Variants in RGS21 observed in about 807,000 individuals in gnomAD.
RGS21 encodes the protein regulator of G-protein signalling 21.
Under a neutral mutation model 18.7 loss-of-function variants are expected in RGS21, and 19 were observed. The observed-to-expected ratio is 1.01, with a 90% confidence interval of 0.71 to 1.49. The LOEUF is 1.49. Among genes scored for constraint, RGS21 ranks in the 40% most tolerant of loss-of-function variants. The probability of loss-of-function intolerance (pLI) is 0.00; values close to 1 mark genes in which losing one functional copy is unlikely to be tolerated. For missense variants in RGS21, 194 were observed against 176.8 expected (o/e 1.10, Z -0.55); for synonymous variants, 56 against 57.8 (o/e 0.97, Z 0.14).
At chr1:192,364,071 G>T (rs534460455) in intron 4 of RGS21, among the ~76,000 whole-genome samples, 1 of 152,238 alleles carries the variant, frequency 6.6e-6, no homozygotes, top group African/African-American at 2.4e-5. Context: ...TAACACTGAA[G>T]AAGCAGAAAC....
Position 192,366,111 on chromosome 1 carries a change from T to A in RGS21, c.446T>A (p.Leu149His). The change falls in exon 5 of 5, where the codon CTC (leucine) becomes CAC (histidine). Residue 149 changes from leucine (L) to histidine (H), a missense_variant. By Grantham distance (99) the Leu-to-His change is moderately conservative (BLOSUM62 -3). Transcript: ENST00000417209. ...CAGGTTCCAAATCATAAAAAATGGC[T>A]CCCTTTTTTGTGAGGAAGGTAAAAG... ...SQQVPNHKKWLPFL is the reference protein window; with the variant it reads ...SQQVPNHKKWHPFL The A allele has an allele frequency of 6.3e-7, 1 of 1,595,710 alleles. No homozygotes were observed. Among genetic ancestry groups the A allele is most frequent in the Non-Finnish European group, 8.5e-7 (1 of 1,170,146 alleles).
chr1:192,324,173 TA>T (rs5779619), intron 1 of RGS21, among the ~76,000 whole-genome samples: 73,029 of 151,770 alleles, frequency 0.48, 18,678 homozygotes, highest in African/African-American at 0.64. Flanking sequence ...GAGTTTTCTT[TA>T]AATATTAAAG....
intron 4 of RGS21, among the ~76,000 whole-genome samples, chr1:192,352,673 C>T (rs1159196164): frequency 5.9e-5 from 9 of 151,890 alleles, no homozygotes; most frequent in African/African-American, 1.9e-4. Context: ...ATGTTGCTTG[C>T]CTTTATTTCT....
At chr1:192,326,287 T>A (rs1235875588) in intron 1 of RGS21, among the ~76,000 whole-genome samples, 2 of 152,158 alleles carry the variant, frequency 1.3e-5, no homozygotes, top group Non-Finnish European at 2.9e-5. Context: ...AATGGTGTTG[T>A]ATCCAGTGTT....
At chr1:192,328,888 A>C (rs1160650862) in intron 1 of RGS21, among the ~76,000 whole-genome samples, 1 of 152,146 alleles carries the variant, frequency 6.6e-6, no homozygotes, top group African/African-American at 2.4e-5. Context: ...ATTTATTGGT[A>C]TAGAAATATT....
intron 1 of RGS21, among the ~76,000 whole-genome samples, chr1:192,324,250 C>T (rs1416704790): frequency 1.3e-5 from 2 of 151,922 alleles, no homozygotes; most frequent in Non-Finnish European, 1.5e-5. Flanking sequence ...GTTAGTAAAG[C>T]TCTAGAATGA....
intron 4 of RGS21, among the ~76,000 whole-genome samples, chr1:192,353,864 C>T (rs1287222694): frequency 1.3e-5 from 2 of 151,410 alleles, no homozygotes; most frequent in Admixed American, 1.3e-4. Context: ...TGGCTGCTTT[C>T]CAAGTAATAA....
Position 192,366,129 on chromosome 1 carries a change from G to T in RGS21, c.*5G>T. 1 of 1,531,836 alleles carries T rather than the reference G, an allele frequency of 6.5e-7. No homozygotes were observed. Among genetic ancestry groups the T allele is most frequent in the East Asian group, 2.3e-5 (1 of 44,118 alleles). The allele number at this position is 1,531,836 out of a possible 1,614,324, so 94.9% of individuals were successfully genotyped here. On this transcript the variant is annotated 3_prime_UTR_variant, in exon 5 of 5. Transcript: ENST00000417209. Reference sequence around the variant, plus strand: ...AAATGGCTCCCTTTTTTGTGAGGAAGGTAAAAGTTAACTAATCACTATACT... The same window carrying T: ...AAATGGCTCCCTTTTTTGTGAGGAATGTAAAAGTTAACTAATCACTATACT...
At chr1:192,345,537 G>T (rs972502939) in intron 2 of RGS21, among the ~76,000 whole-genome samples, 1 of 152,052 alleles carries the variant, frequency 6.6e-6, no homozygotes, top group Non-Finnish European at 1.5e-5. Context: ...TGTTCTTGGT[G>T]CTAGAAAATA....
intron 1 of RGS21, among the ~76,000 whole-genome samples, chr1:192,327,834 C>T (rs752229155): frequency 6.6e-5 from 10 of 151,980 alleles, no homozygotes; most frequent in African/African-American, 9.7e-5. Flanking sequence ...AGTAATAAAC[C>T]GAGCATTTAG....
intron 1 of RGS21, among the ~76,000 whole-genome samples, chr1:192,330,689 G>A (rs1557974860): frequency 6.6e-6 from 1 of 152,180 alleles, no homozygotes; most frequent in African/African-American, 2.4e-5. Flanking sequence ...AGAAGTGAGG[G>A]CATGGACAAA....
chr1:192,317,451 A>G (rs1341320992), intron 1 of RGS21, among the ~76,000 whole-genome samples: 1 of 151,892 alleles, frequency 6.6e-6, no homozygotes, highest in Non-Finnish European at 1.5e-5. Flanking sequence ...AAATGTAAAA[A>G]AAAAAAATCT....
At chr1:192,347,466 T>C in intron 3 of RGS21, 77 bp downstream of exon 3, 2 of 727,574 alleles carry the variant, frequency 2.7e-6, no homozygotes, top group Non-Finnish European at 4.8e-6. Flanking sequence ...TGGTAACATA[T>C]CATAAAGTAT....
intron 1 of RGS21, among the ~76,000 whole-genome samples, chr1:192,332,433 G>A (rs982893749): frequency 6.6e-6 from 1 of 152,078 alleles, no homozygotes; most frequent in Admixed American, 6.6e-5. Context: ...AACCTTGTTC[G>A]AAACTTCACA....
intron 1 of RGS21, among the ~76,000 whole-genome samples, chr1:192,341,118 C>A (rs1010620225): frequency 2.0e-5 from 3 of 152,028 alleles, no homozygotes; most frequent in African/African-American, 7.2e-5. Context: ...ACCTACGTTC[C>A]TTGGCTCTTA....
Position 192,352,203 on chromosome 1 carries a change from C to T in RGS21, c.245C>T (p.Ala82Val). ...MIYSEFIEAD[A>V]PKEINIDFGT... is the part of the protein sequence containing the mutation. Reference sequence around the variant, plus strand: ...TATTCTGAATTCATTGAAGCTGATGCACCTAAAGAGGTGAGTGAACTACTT... The same window carrying T: ...TATTCTGAATTCATTGAAGCTGATGTACCTAAAGAGGTGAGTGAACTACTT... Residue 82 changes from alanine (A) to valine (V), a missense_variant, in exon 4 of 5, where the codon GCA (alanine) becomes GTA (valine). Coordinates refer to ENST00000417209, the MANE Select transcript of RGS21 (RefSeq NM_001039152.3). The T allele has an allele frequency of 3.7e-6, 6 of 1,603,998 alleles. No homozygotes were observed. The highest frequency in any genetic ancestry group is 4.3e-6 in the Non-Finnish European group (5 of 1,175,768).
At chr1:192,323,236 T>A (rs1293882732) in intron 1 of RGS21, among the ~76,000 whole-genome samples, 5 of 152,256 alleles carry the variant, frequency 3.3e-5, no homozygotes, top group South Asian at 2.1e-4. Context: ...TCTTTCTGCC[T>A]TTGCATAAAG....
chr1:192,322,022 C>T (rs1228949631), intron 1 of RGS21, among the ~76,000 whole-genome samples: 2 of 152,066 alleles, frequency 1.3e-5, no homozygotes, highest in Non-Finnish European at 2.9e-5. Context: ...CTTTTAAACA[C>T]ACAATATGTT....
chr1:192,321,593 A>G (rs925040021), intron 1 of RGS21, among the ~76,000 whole-genome samples: 1 of 152,068 alleles, frequency 6.6e-6, no homozygotes, highest in East Asian at 1.9e-4. Context: ...CTTCATAAAA[A>G]GGAGCTAATT....
Sources: allele counts gnomAD v4.1 joint callset (sites outside exome capture counted in the v4.1 genomes callset), GRCh38; gene constraint gnomAD v4.1.1; transcripts MANE v1.5; gene names NCBI Gene and HGNC (gene_info 2026-07-23, HGNC 2026-07-21).